B4GALNT3: variants seen among roughly 807,000 people sequenced by gnomAD.
B4GALNT3 encodes the protein beta-1,4-N-acetyl-galactosaminyltransferase 3, also known as beta-1,4-N-acetylgalactosaminyltransferase 3.
B4GALNT3 carries 86 observed loss-of-function variants against 120.2 expected under a neutral mutation model. That is an observed-to-expected ratio of 0.72 (90% confidence interval 0.60 to 0.86). B4GALNT3 has a LOEUF of 0.86. B4GALNT3 is among the 40% of genes least tolerant of loss of function. B4GALNT3 has a pLI of 0.00. For missense variants in B4GALNT3, 1,167 were observed against 1,298.9 expected (o/e 0.90, Z 1.56); for synonymous variants, 518 against 510.4 (o/e 1.01, Z -0.20).
chr12:531,056 A>G (rs886234464), intron 1 of B4GALNT3, among the ~76,000 whole-genome samples: 11 of 152,318 alleles, frequency 7.2e-5, no homozygotes, highest in African/African-American at 2.6e-4. Context: ...CCAGAGGGTA[A>G]GCGACAAATG....
Position 535,231 on chromosome 12 carries a change from C to G in B4GALNT3, c.235C>G (p.His79Asp). The change falls in exon 2 of 20, where the codon CAC becomes GAC. Residue 79 changes from histidine to aspartate, a missense_variant. Transcript: ENST00000266383. ...ASRNIPAVDPHLQFYHPQRLS... is the reference protein window; with the variant it reads ...ASRNIPAVDPDLQFYHPQRLS... ...CAGGAACATTCCAGCTGTGGATCCA[C>G]ACCTCCAGTTCTACCATCCCCAGAG... is the stretch of plus-strand genomic sequence containing the variant. The G allele has an allele frequency of 6.2e-7, 1 of 1,614,022 alleles. No individual in the cohort carries two copies. Among genetic ancestry groups the G allele is most frequent in the Non-Finnish European group, 8.5e-7 (1 of 1,180,004 alleles).
At chr12:514,507 A>T (rs1047353316) in intron 1 of B4GALNT3, among the ~76,000 whole-genome samples, 1 of 151,730 alleles carries the variant, frequency 6.6e-6, no homozygotes, top group Non-Finnish European at 1.5e-5. Flanking sequence ...TATTTTTTTT[A>T]AATAAAAGAC....
At chr12:498,369 G>A (rs972498852) in intron 1 of B4GALNT3, among the ~76,000 whole-genome samples, 2 of 152,150 alleles carry the variant, frequency 1.3e-5, no homozygotes, top group African/African-American at 2.4e-5. Context: ...CTCACTGAGA[G>A]GCCACTGTGT....
At chr12:495,229 A>G (rs993208356) in intron 1 of B4GALNT3, among the ~76,000 whole-genome samples, 1 of 152,152 alleles carries the variant, frequency 6.6e-6, no homozygotes, top group Non-Finnish European at 1.5e-5. Flanking sequence ...GGTCTATCTG[A>G]CTTCAGAACC....
At chr12:470,790 G>A (rs1438336478) in intron 1 of B4GALNT3, among the ~76,000 whole-genome samples, 1 of 152,148 alleles carries the variant, frequency 6.6e-6, no homozygotes, top group Non-Finnish European at 1.5e-5. Flanking sequence ...CCAGGCTGAA[G>A]TGCAGTGGCA....
intron 1 of B4GALNT3, among the ~76,000 whole-genome samples, chr12:495,194 CTG>C (rs1946377139): frequency 1.3e-5 from 2 of 152,190 alleles, no homozygotes; most frequent in African/African-American, 4.8e-5. Flanking sequence ...CACAGTCACA[CTG>C]TAACAGCCAG....
intron 15 of B4GALNT3, 148 bp downstream of exon 15, chr12:557,014 A>C: frequency 1.1e-6 from 1 of 875,488 alleles, no homozygotes; most frequent in Non-Finnish European, 1.7e-6. Flanking sequence ...CACAAAAGGA[A>C]AGTCACTGGT....
At chr12:469,907 C>T (rs905486195) in intron 1 of B4GALNT3, among the ~76,000 whole-genome samples, 1 of 152,178 alleles carries the variant, frequency 6.6e-6, no homozygotes, top group Admixed American at 6.5e-5. Flanking sequence ...CCACCTCAGC[C>T]TTCCAAAGTG....
Position 545,434 on chromosome 12 carries a change from G to C in B4GALNT3, c.604G>C (p.Val202Leu). The part of the protein sequence containing the change: ...AEFWLSLDDQ[V>L]SGLQLLASVG... ...GTTCTGGCTGAGCCTCGATGACCAGGTCTCAGGCCTCCAGCTGCTGGCCAG... is the reference window on the plus strand; with the variant it reads ...GTTCTGGCTGAGCCTCGATGACCAGCTCTCAGGCCTCCAGCTGCTGGCCAG... Residue 202 changes from valine to leucine, a missense_variant, in exon 6 of 20, where the codon GTC (valine) becomes CTC (leucine). Around this residue, in one of 3 missense-constraint regions of B4GALNT3, gnomAD observed 983 missense variants for 1,102.5 expected, o/e 0.89. Coordinates refer to ENST00000266383, the MANE Select transcript of B4GALNT3 (RefSeq NM_173593.4). 1 of 1,610,672 alleles carries C rather than the reference G, an allele frequency of 6.2e-7. No individual in the cohort carries two copies. The highest frequency in any genetic ancestry group is 8.5e-7 in the Non-Finnish European group (1 of 1,179,028).
chr12:525,885 G>C (rs1439498691), intron 1 of B4GALNT3, among the ~76,000 whole-genome samples: 1 of 152,178 alleles, frequency 6.6e-6, no homozygotes, highest in Non-Finnish European at 1.5e-5. Context: ...GCTTTTCCTG[G>C]ACTCTTTAGG....
chr12:475,390 G>A (rs762407709), intron 1 of B4GALNT3, among the ~76,000 whole-genome samples: 2 of 152,214 alleles, frequency 1.3e-5, no homozygotes, highest in Non-Finnish European at 2.9e-5. Flanking sequence ...TTAGGTGGGA[G>A]AAAGAGAGCC....
At position 516,546 on chromosome 12, in the gene B4GALNT3, C is replaced by T. The variant is rs144416781; in HGVS notation, c.170-18620C>T. 4.2e-3 allele frequency among the ~76,000 whole-genome samples: 645 copies of T among 152,276 alleles called. 5 individuals carry two copies. The highest frequency in any genetic ancestry group is 0.015 in the African/African-American group (608 of 41,538). On this transcript the variant is annotated intron_variant, in intron 1 of 19. Transcript: ENST00000266383. The stretch of plus-strand genomic sequence containing the variant: ...GAGATTTAATCTGCAAGGCCTTACT[C>T]GTTGAGCAACCATATAATTGATTGT...
chr12:500,675 C>T (rs1946429843), intron 1 of B4GALNT3, among the ~76,000 whole-genome samples: 4 of 152,046 alleles, frequency 2.6e-5, no homozygotes, highest in Admixed American at 2.6e-4. Context: ...GGTGCCCCAA[C>T]CCGGGACCCA....
intron 1 of B4GALNT3, among the ~76,000 whole-genome samples, chr12:501,862 G>A (rs1946447528): frequency 6.6e-6 from 1 of 152,210 alleles, no homozygotes; most frequent in Non-Finnish European, 1.5e-5. Context: ...ATCTCTGCCT[G>A]TGTTTCTTCA....
intron 1 of B4GALNT3, among the ~76,000 whole-genome samples, chr12:511,717 C>T (rs1266662045): frequency 7.8e-5 from 10 of 128,126 alleles, no homozygotes; most frequent in East Asian, 7.0e-4. Context: ...TTCCACCTTC[C>T]GCCTTCCACC....
rs5795926 is a variant in B4GALNT3, at chr12:550,503, C to CA, written c.998-411dup. Among the ~76,000 whole-genome samples, 19,581 of 151,328 alleles carry CA rather than the reference C, an allele frequency of 0.13. 1,563 individuals carry two copies. Among genetic ancestry groups the CA allele is most frequent in the Admixed American group, 0.25 (3,732 of 15,166 alleles). On this transcript the variant is annotated intron_variant, in intron 10 of 19. Transcript: ENST00000266383. The surrounding 1 kb of genome is among the most constrained non-coding windows in gnomAD (Gnocchi z 4.1). ...GATCCTGTCAAAAAAAACAAACAAA[C>CA]AAAAAAAACAACAAAGTTTCTTTAC...
intron 1 of B4GALNT3, among the ~76,000 whole-genome samples, chr12:512,987 A>AC (rs1946610654): frequency 2.8e-5 from 2 of 70,682 alleles, no homozygotes; most frequent in Non-Finnish European, 5.7e-5. Flanking sequence ...TCCACCTTCG[A>AC]TCTTCCTTCC....
At position 460,481 on chromosome 12, in the gene B4GALNT3, G is replaced by T; in HGVS notation, c.105G>T (p.Gly35=). 1 of 1,586,184 alleles carries T rather than the reference G, an allele frequency of 6.3e-7. No homozygotes were observed. Among genetic ancestry groups the T allele is most frequent in the Non-Finnish European group, 8.6e-7 (1 of 1,167,434 alleles). The change falls in exon 1 of 20, where the codon GGG becomes GGT. Residue 35 remains glycine, a synonymous_variant. Transcript: ENST00000266383. This position sits in a 1 kb window ranked among gnomAD's most constrained non-coding sequence, Gnocchi z 8.0. Reference sequence around the variant, plus strand: ...TGGCGCTCGCCGTGGTGTCTGTGGGGCTCTGGACTCTGTATCTGGAACTGG... The same window carrying T: ...TGGCGCTCGCCGTGGTGTCTGTGGGTCTCTGGACTCTGTATCTGGAACTGG... The part of the protein sequence containing the change: ...LLLALAVVSV[G]LWTLYLELVA...
At position 552,452 on chromosome 12, in the gene B4GALNT3, C is replaced by T. The variant is rs760978536; in HGVS notation, c.1209-15C>T. 52 of 1,613,102 alleles carry T rather than the reference C, an allele frequency of 3.2e-5. No homozygotes were observed. Among genetic ancestry groups the T allele is most frequent in the Non-Finnish European group, 4.1e-5 (48 of 1,179,420 alleles). ...ATGCACCGGGTGCCAATGCACACCT[C>T]CCTTCCTCCTGCAGGTTCAGCTTTC... On this transcript the variant is annotated splice_polypyrimidine_tract_variant and intron_variant, in intron 12 of 19. Coordinates refer to ENST00000266383, the MANE Select transcript of B4GALNT3 (RefSeq NM_173593.4).
Sources: allele counts gnomAD v4.1 joint callset (sites outside exome capture counted in the v4.1 genomes callset), GRCh38; gene constraint gnomAD v4.1.1; regional missense constraint gnomAD v4.1.1; non-coding constraint Gnocchi (gnomAD v3.1); transcripts MANE v1.5; gene names NCBI Gene and HGNC (gene_info 2026-07-23, HGNC 2026-07-21).